The following LCLAT1 variants were observed in gnomAD, a reference collection of about 807,000 sequenced individuals.
LCLAT1 encodes 1-AGP acyltransferase 8.
A neutral mutation model predicts 30.7 loss-of-function variants in LCLAT1; 11 were observed. The ratio of observed to expected loss-of-function variants is 0.36; its 90% CI spans 0.23 to 0.59. The LOEUF is 0.59. Ranked by LOEUF, LCLAT1 falls within the 20% of genes least tolerant of loss-of-function variation. The pLI, the probability that LCLAT1 is intolerant of heterozygous loss-of-function variation, is 0.77. For synonymous variants in LCLAT1, 155 were observed against 151.3 expected (o/e 1.02, Z -0.18); for missense variants, 402 against 458.6 (o/e 0.88, Z 1.13).
chr2:30,472,250 C>T (rs1290232097), intron 1 of LCLAT1, among the ~76,000 whole-genome samples: 1 of 152,168 alleles, frequency 6.6e-6, no homozygotes, highest in African/African-American at 2.4e-5. Context: ...ACAAGACTTT[C>T]AGAACTCACT....
rs77340334 is a variant in LCLAT1 at position 30,585,434 on chromosome 2, C to T, written c.628+17258C>T. Among the ~76,000 whole-genome samples, 11 of 152,286 alleles carry T rather than the reference C, an allele frequency of 7.2e-5. No individual in the cohort carries two copies. The East Asian group carries it at 2.1e-3, about 29-fold the overall frequency. ...AGCACCTGGCTCAGTCTTCCATTCC[C>T]TCTCTAGTCTAGCCACATTCTTAGG... On this transcript the variant is annotated intron_variant, in intron 5 of 5. Coordinates refer to ENST00000379509, the MANE Select transcript of LCLAT1 (RefSeq NM_001002257.3).
chr2:30,538,384 C>G (rs1010134585), intron 3 of LCLAT1, among the ~76,000 whole-genome samples: 5 of 152,076 alleles, frequency 3.3e-5, no homozygotes, highest in Non-Finnish European at 7.4e-5. Flanking sequence ...GTGCAGTGCT[C>G]ATGGCTTTAC....
At position 30,581,237 on chromosome 2, in the gene LCLAT1, C is replaced by T. The variant is rs1374597557; in HGVS notation, c.628+13061C>T. 2.0e-5 allele frequency among the ~76,000 whole-genome samples: 3 copies of T among 151,398 alleles called. No individual in the cohort carries two copies. In the East Asian group the frequency reaches 5.8e-4, roughly 29 times the overall value. On this transcript the variant is annotated intron_variant, in intron 5 of 5. Coordinates refer to ENST00000379509, the MANE Select transcript of LCLAT1 (RefSeq NM_001002257.3). ...GTGACTTGACATGCCTCACAGTGGCCCACTCCTTCCCACCACCTGCAGTAC... is the reference window on the plus strand; with the variant it reads ...GTGACTTGACATGCCTCACAGTGGCTCACTCCTTCCCACCACCTGCAGTAC...
chr2:30,620,551 C>T (rs1236967537), intron 5 of LCLAT1, among the ~76,000 whole-genome samples: 1 of 152,186 alleles, frequency 6.6e-6, no homozygotes, highest in East Asian at 1.9e-4. Flanking sequence ...TAGAAGTCTC[C>T]ATTTTGCATA....
intron 5 of LCLAT1, among the ~76,000 whole-genome samples, chr2:30,618,711 T>TA (rs531650777): frequency 5.6e-4 from 85 of 151,972 alleles, no homozygotes; most frequent in Admixed American, 1.2e-3. Flanking sequence ...AGCTAAAAGT[T>TA]AAAAAAAATA....
chr2:30,498,113 A>G (rs1486833447), intron 1 of LCLAT1, among the ~76,000 whole-genome samples: 1 of 152,176 alleles, frequency 6.6e-6, no homozygotes, highest in Non-Finnish European at 1.5e-5. Flanking sequence ...GTGAGGTTGG[A>G]GCAAAAGTTT....
chr2:30,543,375 G>A (rs1333286273), intron 3 of LCLAT1, among the ~76,000 whole-genome samples: 4 of 152,030 alleles, frequency 2.6e-5, no homozygotes, highest in African/African-American at 9.7e-5. Flanking sequence ...AAGGGTTTTT[G>A]TATCTGTGTT....
intron 5 of LCLAT1, among the ~76,000 whole-genome samples, chr2:30,596,778 TTTTCA>T (rs1159912765): frequency 9.6e-5 from 13 of 135,394 alleles, no homozygotes; most frequent in Admixed American, 9.4e-4. Context: ...AGTTTTGGGT[TTTTCA>T]TTTAAGTCTT....
intron 1 of LCLAT1, among the ~76,000 whole-genome samples, chr2:30,458,196 G>A (rs1204720107): frequency 6.6e-6 from 1 of 152,202 alleles, no homozygotes; most frequent in Non-Finnish European, 1.5e-5. Flanking sequence ...TCTGAGAAAG[G>A]GAAATGTAGA....
At chr2:30,636,997 T>G (rs1429151743) in intron 5 of LCLAT1, among the ~76,000 whole-genome samples, 1 of 152,168 alleles carries the variant, frequency 6.6e-6, no homozygotes, top group East Asian at 1.9e-4. Flanking sequence ...AGAGAAGTAT[T>G]TACACAGATG....
At chr2:30,563,270 C>T (rs1247418813) in intron 4 of LCLAT1, among the ~76,000 whole-genome samples, 1 of 152,166 alleles carries the variant, frequency 6.6e-6, no homozygotes, top group Non-Finnish European at 1.5e-5. Context: ...ACAAAATACT[C>T]AACAGTCTGT....
intron 3 of LCLAT1, among the ~76,000 whole-genome samples, chr2:30,556,037 G>A (rs1211647559): frequency 1.2e-4 from 18 of 151,636 alleles, no homozygotes; most frequent in Admixed American, 7.9e-4. Context: ...CTTGTGATCC[G>A]CCCACCTCGG....
intron 1 of LCLAT1, among the ~76,000 whole-genome samples, chr2:30,506,502 T>G (rs2148350957): frequency 6.6e-6 from 1 of 152,202 alleles, no homozygotes; most frequent in South Asian, 2.1e-4. Context: ...TTAAAGTTTT[T>G]TATAATAAAA....
chr2:30,564,410 T>A (rs1665382223), intron 4 of LCLAT1, among the ~76,000 whole-genome samples: 1 of 152,178 alleles, frequency 6.6e-6, no homozygotes, highest in Non-Finnish European at 1.5e-5. Context: ...AGTCATAAAA[T>A]GTATATGTAA....
At chr2:30,623,354 C>G (rs573113597) in intron 5 of LCLAT1, among the ~76,000 whole-genome samples, 1 of 152,106 alleles carries the variant, frequency 6.6e-6, no homozygotes, top group Non-Finnish European at 1.5e-5. Context: ...ACACCTGGCC[C>G]TAAGAAATTT....
intron 1 of LCLAT1, among the ~76,000 whole-genome samples, chr2:30,514,244 T>C (rs1167499095): frequency 1.3e-5 from 2 of 152,250 alleles, no homozygotes; most frequent in African/African-American, 4.8e-5. Context: ...TAGGACATAC[T>C]TGACATTGTC....
intron 2 of LCLAT1, among the ~76,000 whole-genome samples, chr2:30,527,197 A>G (rs1343463512): frequency 6.6e-6 from 1 of 152,208 alleles, no homozygotes; most frequent in East Asian, 1.9e-4. Flanking sequence ...CTATTGAAAC[A>G]TTTGACTGTT....
chr2:30,609,113 T>C (rs929676444), intron 5 of LCLAT1, among the ~76,000 whole-genome samples: 2 of 152,184 alleles, frequency 1.3e-5, no homozygotes, highest in African/African-American at 2.4e-5. Flanking sequence ...CTTGTCTGTG[T>C]TTCTATTGGG....
In LCLAT1 at chr2:30,533,217, G is replaced by C. The variant is rs2148396566; in HGVS notation, c.267G>C (p.Met89Ile). ...TTATCATGAACCATCGGACAAGAATGGACTGGATGTTCCTGTGGAATTGCC... is the reference window on the plus strand; with the variant it reads ...TTATCATGAACCATCGGACAAGAATCGACTGGATGTTCCTGTGGAATTGCC... ...SVIIMNHRTR[M>I]DWMFLWNCLM... The change falls in exon 3 of 6, where the codon ATG (methionine) becomes ATC (isoleucine). Residue 89 changes from methionine (M) to isoleucine (I), a missense_variant. Coordinates refer to ENST00000379509, the MANE Select transcript of LCLAT1 (RefSeq NM_001002257.3). 6.2e-7 allele frequency: 1 copy of C among 1,613,954 alleles called. No homozygotes were observed. The highest frequency in any genetic ancestry group is 2.2e-5 in the East Asian group (1 of 44,870).
Sources: allele counts gnomAD v4.1 joint callset (sites outside exome capture counted in the v4.1 genomes callset), GRCh38; gene constraint gnomAD v4.1.1; transcripts MANE v1.5; gene names NCBI Gene and HGNC (gene_info 2026-07-23, HGNC 2026-07-21).